ATP2B2: variants seen among roughly 807,000 people sequenced by gnomAD.
The protein encoded by ATP2B2 is ATPase plasma membrane Ca2+ transporting 2, also known as plasma membrane calcium-transporting ATPase 2.
ATP2B2 carries 15 observed loss-of-function variants against 120.0 expected under a neutral mutation model. The observed-to-expected ratio is 0.12, with a 90% CI of 0.08 to 0.19. The LOEUF (loss-of-function observed/expected upper bound fraction) is 0.19. Ranked by LOEUF, ATP2B2 falls within the 10% of genes least tolerant of loss-of-function variation. The pLI, the probability that ATP2B2 is intolerant of heterozygous loss-of-function variation, is 1.00. For missense variants in ATP2B2, 1,045 were observed against 1,719.8 expected (o/e 0.61, Z 6.94); for synonymous variants, 694 against 700.3 (o/e 0.99, Z 0.14).
intron 5 of ATP2B2, among the ~76,000 whole-genome samples, chr3:10,389,436 T>C (rs2061780343): frequency 6.6e-6 from 1 of 152,180 alleles, no homozygotes; most frequent in Non-Finnish European, 1.5e-5. Context: ...GAAAGAAACT[T>C]GAACACAGGC....
At chr3:10,434,644 T>C (rs1217759467) in intron 2 of ATP2B2, among the ~76,000 whole-genome samples, 1 of 152,156 alleles carries the variant, frequency 6.6e-6, no homozygotes, top group Non-Finnish European at 1.5e-5. Context: ...ACACAGTGAG[T>C]GAGCAGAGGA....
At chr3:10,531,213 C>T (rs1034401839) in intron 3 of ATP2B2, among the ~76,000 whole-genome samples, 4 of 152,186 alleles carry the variant, frequency 2.6e-5, no homozygotes, top group Admixed American at 2.0e-4. Flanking sequence ...TCCCTCCCCT[C>T]GGGCTCAGCC....
intron 1 of ATP2B2, among the ~76,000 whole-genome samples, chr3:10,662,296 G>A (rs2070804877): frequency 6.6e-6 from 1 of 151,876 alleles, no homozygotes; most frequent in African/African-American, 2.4e-5. Context: ...CCATCAGAGT[G>A]AACAGGGAAC....
At chr3:10,675,197 G>A (rs945759525) in intron 1 of ATP2B2, among the ~76,000 whole-genome samples, 15 of 152,178 alleles carry the variant, frequency 9.9e-5, no homozygotes, top group Non-Finnish European at 1.8e-4. Context: ...GCAGTTTTTC[G>A]AACTGAGCAC....
At chr3:10,358,435 G>A (rs779995918) in intron 14 of ATP2B2, among the ~76,000 whole-genome samples, 9 of 152,216 alleles carry the variant, frequency 5.9e-5, no homozygotes, top group Non-Finnish European at 1.2e-4. Context: ...TGGACAGCTC[G>A]AGGACTGCCC....
At chr3:10,502,544 C>T (rs780998908) in intron 1 of ATP2B2, among the ~76,000 whole-genome samples, 6 of 152,354 alleles carry the variant, frequency 3.9e-5, no homozygotes, top group Admixed American at 6.5e-5. Context: ...CACGGTGTGA[C>T]CTTGGACAAG....
chr3:10,409,129 G>A (rs2062518693), intron 3 of ATP2B2, among the ~76,000 whole-genome samples: 1 of 152,188 alleles, frequency 6.6e-6, no homozygotes, highest in Non-Finnish European at 1.5e-5. Context: ...ATGCATTTGT[G>A]TTACACTCTT....
intron 1 of ATP2B2, among the ~76,000 whole-genome samples, chr3:10,490,915 G>A (rs2065909663): frequency 6.6e-6 from 1 of 152,226 alleles, no homozygotes; most frequent in African/African-American, 2.4e-5. Flanking sequence ...ATTTGGGGGT[G>A]AAGGAAGCAG....
intron 3 of ATP2B2, among the ~76,000 whole-genome samples, chr3:10,522,450 C>T (rs2067004155): frequency 6.6e-6 from 1 of 152,216 alleles, no homozygotes; most frequent in Non-Finnish European, 1.5e-5. Context: ...GACCATCATG[C>T]CTATCTCCCT....
intron 2 of ATP2B2, among the ~76,000 whole-genome samples, chr3:10,566,989 A>G (rs1013174796): frequency 6.6e-6 from 1 of 152,230 alleles, no homozygotes; most frequent in African/African-American, 2.4e-5. Context: ...GTTGTATGAT[A>G]GGTCTTCAAT....
chr3:10,499,838 C>T (rs1189090509), intron 1 of ATP2B2, among the ~76,000 whole-genome samples: 40 of 152,050 alleles, frequency 2.6e-4, no homozygotes, highest in Non-Finnish European at 2.9e-5. Flanking sequence ...ATCCCCCAGC[C>T]AGCTACAAAA....
Position 10,338,309 on chromosome 3 carries a change from C to T in ATP2B2, c.3287G>A (p.Gly1096Asp). The T allele has an allele frequency of 6.2e-7, 1 of 1,614,202 alleles. No individual in the cohort carries two copies. Among genetic ancestry groups the T allele is most frequent in the Non-Finnish European group, 8.5e-7 (1 of 1,180,036 alleles). ...TSRLKFLKEA[G>D]RLTQKEEIPE... ...GATCTCCTCCTTCTGTGTGAGCCTG[C>T]CTGCCTCCTTGAGGAACTTGAGTCT... Residue 1096 changes from glycine to aspartate, a missense_variant, in exon 22 of 23, where the codon GGC (glycine) becomes GAC (aspartate). Coordinates refer to ENST00000360273, the MANE Select transcript of ATP2B2 (RefSeq NM_001001331.4).
At chr3:10,682,182 T>C (rs1324793264) in intron 1 of ATP2B2, among the ~76,000 whole-genome samples, 1 of 152,214 alleles carries the variant, frequency 6.6e-6, no homozygotes. Flanking sequence ...TTTCCATCCA[T>C]GCCTCATAAA....
At chr3:10,403,844 C>T (rs895439817) in intron 3 of ATP2B2, among the ~76,000 whole-genome samples, 1 of 152,226 alleles carries the variant, frequency 6.6e-6, no homozygotes, top group Non-Finnish European at 1.5e-5. Context: ...GGATCCAGAT[C>T]TGGGATCTGA....
At chr3:10,481,534 A>G (rs34885) in intron 1 of ATP2B2, among the ~76,000 whole-genome samples, 72,735 of 152,034 alleles carry the variant, frequency 0.48, 18,595 homozygotes, top group Non-Finnish European at 0.57. Flanking sequence ...TGACTCTGCT[A>G]TATTCTATTT....
chr3:10,696,702 CA>C (rs1159586078), intron 1 of ATP2B2, among the ~76,000 whole-genome samples: 5 of 152,340 alleles, frequency 3.3e-5, no homozygotes, highest in Middle Eastern at 6.8e-3. Context: ...CCACCTCACA[CA>C]AGGGCAGAGT....
chr3:10,677,084 C>CTT (rs925830390), intron 1 of ATP2B2, among the ~76,000 whole-genome samples: 1 of 152,198 alleles, frequency 6.6e-6, no homozygotes, highest in African/African-American at 2.4e-5. Flanking sequence ...CAGTTGAGAA[C>CTT]TTATGTCCAC....
chr3:10,651,470 A>C (rs2070460651), intron 1 of ATP2B2, among the ~76,000 whole-genome samples: 2 of 152,298 alleles, frequency 1.3e-5, no homozygotes, highest in African/African-American at 4.8e-5. Flanking sequence ...GCCACGTGAG[A>C]TGTGCCTTTC....
At chr3:10,498,292 ATGT>A (rs1482501190) in intron 1 of ATP2B2, among the ~76,000 whole-genome samples, 1 of 152,236 alleles carries the variant, frequency 6.6e-6, no homozygotes, top group African/African-American at 2.4e-5. Context: ...CTGGGCCCAG[ATGT>A]TGTCCTCAAC....
Sources: allele counts gnomAD v4.1 joint callset (sites outside exome capture counted in the v4.1 genomes callset), GRCh38; gene constraint gnomAD v4.1.1; transcripts MANE v1.5; gene names NCBI Gene and HGNC (gene_info 2026-07-23, HGNC 2026-07-21).